ATG7: variants seen among roughly 807,000 people sequenced by gnomAD.
The protein encoded by ATG7 is ubiquitin-like modifier-activating enzyme ATG7.
In ATG7, 70 loss-of-function variants were observed where a neutral mutation model predicts 82.4. The observed-to-expected ratio is 0.85, with a 90% CI of 0.70 to 1.04. The LOEUF is 1.04. Ranked by LOEUF, ATG7 falls within the 50% of genes least tolerant of loss-of-function variation. The probability of loss-of-function intolerance (pLI) is 0.00; values close to 1 mark genes in which losing one functional copy is unlikely to be tolerated. For synonymous variants in ATG7, 287 were observed against 313.0 expected (o/e 0.92, Z 0.88); for missense variants, 792 against 864.3 (o/e 0.92, Z 1.05).
At chr3:11,324,153 A>G (rs1392060264) in intron 9 of ATG7, among the ~76,000 whole-genome samples, 1 of 152,228 alleles carries the variant, frequency 6.6e-6, no homozygotes, top group Admixed American at 6.5e-5. Context: ...CTTTCTGCTG[A>G]TTTGTATTAC....
At chr3:11,348,845 G>C (rs1323501301) in intron 14 of ATG7, 1 of 152,248 alleles carries the variant, frequency 6.6e-6, no homozygotes, top group Non-Finnish European at 1.5e-5. Context: ...ACAGAGCGCT[G>C]ACTGATGCCT....
chr3:11,335,608 G>A (rs759787089), intron 11 of ATG7, among the ~76,000 whole-genome samples: 5 of 152,198 alleles, frequency 3.3e-5, no homozygotes, highest in Non-Finnish European at 7.3e-5. Flanking sequence ...CTGCAGAGAG[G>A]CAGTTTTCTT....
intron 20 of ATG7, among the ~76,000 whole-genome samples, chr3:11,479,898 C>A (rs903379098): frequency 1.3e-5 from 2 of 151,822 alleles, no homozygotes; most frequent in African/African-American, 2.4e-5. Flanking sequence ...TTCAGGTTTT[C>A]CAGGCTTCTG....
intron 20 of ATG7, among the ~76,000 whole-genome samples, chr3:11,553,039 C>T (rs1443148714): frequency 6.6e-6 from 1 of 152,240 alleles, no homozygotes; most frequent in Non-Finnish European, 1.5e-5. Context: ...CCCTGCCCTG[C>T]CCAGGCTGGC....
intron 6 of ATG7, 68 bp from the exon 7 acceptor site, chr3:11,308,916 C>T (rs1211408830): frequency 7.0e-7 from 1 of 1,430,790 alleles, no homozygotes; most frequent in East Asian, 2.3e-5. Flanking sequence ...CAGCTCCACA[C>T]TTCACCTGAG....
chr3:11,425,075 A>C (rs890861524), intron 19 of ATG7, among the ~76,000 whole-genome samples: 3 of 151,996 alleles, frequency 2.0e-5, no homozygotes, highest in African/African-American at 7.3e-5. Context: ...TGATCCTCCC[A>C]CTTTAGCTTC....
intron 20 of ATG7, among the ~76,000 whole-genome samples, chr3:11,509,185 C>T (rs551386107): frequency 1.3e-5 from 2 of 152,136 alleles, no homozygotes; most frequent in Admixed American, 6.5e-5. Context: ...TATGACGCAG[C>T]GCCACATGGC....
rs2076234849 is a variant in ATG7, at chr3:11,360,799, C to T, written c.1683+15C>T. On this transcript the variant is annotated intron_variant, in intron 16 of 20. Coordinates refer to ENST00000693202, the MANE Select transcript of ATG7 (RefSeq NM_001349232.2). ...CCCCAGGAGATGTAAGTGGATTTCT[C>T]TATAGTTCCAAATATTTCCTATCAC... The T allele has an allele frequency of 6.2e-7, 1 of 1,613,700 alleles. No homozygotes were observed. Among genetic ancestry groups the T allele is most frequent in the Non-Finnish European group, 8.5e-7 (1 of 1,179,654 alleles).
Position 11,324,135 on chromosome 3 carries a change from T to C in ATG7, c.679-7205T>C, listed in dbSNP as rs563954280. On this transcript the variant is annotated intron_variant, in intron 9 of 20. Coordinates refer to ENST00000693202, the MANE Select transcript of ATG7 (RefSeq NM_001349232.2). Reference sequence around the variant, plus strand: ...TAAACAAAGTTTTTCTTCAGTTACGTTGAGCTTCTTTCTGCTGATTTGTAT... The same window carrying C: ...TAAACAAAGTTTTTCTTCAGTTACGCTGAGCTTCTTTCTGCTGATTTGTAT... Among the ~76,000 whole-genome samples the C allele has an allele frequency of 3.2e-4, 49 of 152,362 alleles. 2 individuals carry two copies. The Middle Eastern group carries it at 0.02, about 63-fold the overall frequency.
At chr3:11,502,287 A>C (rs2091390949) in intron 20 of ATG7, among the ~76,000 whole-genome samples, 1 of 150,310 alleles carries the variant, frequency 6.7e-6, no homozygotes, top group African/African-American at 2.5e-5. Flanking sequence ...GGTTAGTTAC[A>C]TACGTATACA....
intron 20 of ATG7, among the ~76,000 whole-genome samples, chr3:11,515,460 C>G (rs911502101): frequency 6.6e-6 from 1 of 152,190 alleles, no homozygotes; most frequent in African/African-American, 2.4e-5. Context: ...CGTGCCACCA[C>G]GCCCAGCAAA....
chr3:11,536,606 G>A (rs1438951596), intron 20 of ATG7, among the ~76,000 whole-genome samples: 1 of 152,256 alleles, frequency 6.6e-6, no homozygotes, highest in Non-Finnish European at 1.5e-5. Context: ...TGTTTTCAGA[G>A]TAAACGTTTG....
intron 19 of ATG7, among the ~76,000 whole-genome samples, chr3:11,418,104 C>T (rs2081562500): frequency 2.0e-5 from 3 of 151,426 alleles, no homozygotes; most frequent in African/African-American, 7.3e-5. Flanking sequence ...AGCCACAGCG[C>T]CTGGCCTGTA....
intron 20 of ATG7, among the ~76,000 whole-genome samples, chr3:11,543,824 C>T (rs1229538964): frequency 1.3e-5 from 2 of 152,208 alleles, no homozygotes; most frequent in Admixed American, 6.5e-5. Context: ...ATTGCTTGAA[C>T]CGCGGACCTC....
At chr3:11,506,554 C>CAAAAAAAAAA (rs754696496) in intron 20 of ATG7, among the ~76,000 whole-genome samples, 1 of 24,978 alleles carries the variant, frequency 4.0e-5, no homozygotes, top group African/African-American at 1.7e-4. Context: ...CCCATCTCTA[C>CAAAAAAAAAA]AAAAAAAAAA....
intron 19 of ATG7, among the ~76,000 whole-genome samples, chr3:11,410,203 A>T (rs1576195138): frequency 6.6e-6 from 1 of 152,204 alleles, no homozygotes; most frequent in Non-Finnish European, 1.5e-5. Flanking sequence ...TGAACAAGAA[A>T]TATCACTTTA....
intron 20 of ATG7, among the ~76,000 whole-genome samples, chr3:11,490,565 C>T (rs2090239195): frequency 6.6e-6 from 1 of 152,128 alleles, no homozygotes; most frequent in African/African-American, 2.4e-5. Flanking sequence ...TCTTCCTAGC[C>T]TCCATGGTCT....
chr3:11,564,930 A>C, the ATG7 span: 24 of 1,588,576 alleles, frequency 1.5e-5, no homozygotes, highest in Non-Finnish European at 2.1e-5. Flanking sequence ...GCTGCCGTGC[A>C]GGCTCATGGT....
At chr3:11,285,139 CTT>C (rs34116945) in intron 3 of ATG7, among the ~76,000 whole-genome samples, 3,591 of 104,048 alleles carry the variant, frequency 0.035, 153 homozygotes, top group African/African-American at 0.11. Context: ...TGTGAGCCAC[CTT>C]TTTTTTTTTT....
Sources: gnomAD v4.1 joint callset for allele counts (sites outside exome capture counted in the v4.1 genomes callset) on GRCh38, gnomAD v4.1.1 for gene constraint, MANE v1.5 for transcripts, NCBI Gene and HGNC (gene_info 2026-07-23, HGNC 2026-07-21) for gene names.